MYO1D: variants seen among roughly 807,000 people sequenced by gnomAD.
MYO1D encodes the protein myosin ID.
A neutral mutation model predicts 122.0 loss-of-function variants in MYO1D; 83 were observed. That is an observed-to-expected ratio of 0.68 (90% confidence interval 0.57 to 0.82). MYO1D has a LOEUF of 0.82. Ranked by LOEUF, MYO1D falls within the 40% of genes least tolerant of loss-of-function variation. The probability of loss-of-function intolerance (pLI) is 0.00; values close to 1 mark genes in which losing one functional copy is unlikely to be tolerated. For missense variants in MYO1D, 1,157 were observed against 1,269.5 expected, an observed-to-expected ratio of 0.91 and a Z score of 1.35; for synonymous variants, 464 against 446.9, an observed-to-expected ratio of 1.04 and a Z score of -0.48.
chr17:32,600,953 CTTT>C (rs59778193), intron 21 of MYO1D, among the ~76,000 whole-genome samples: 16 of 141,600 alleles, frequency 1.1e-4, no homozygotes, highest in Non-Finnish European at 1.2e-4. Context: ...TTTCTTTTCC[CTTT>C]TTTTTTTTTT....
intron 13 of MYO1D, among the ~76,000 whole-genome samples, chr17:32,743,910 G>A (rs1257050686): frequency 6.6e-6 from 1 of 151,018 alleles, no homozygotes; most frequent in Non-Finnish European, 1.5e-5. Context: ...GAGCCACTGC[G>A]ACCAGCCTCA....
intron 21 of MYO1D, among the ~76,000 whole-genome samples, chr17:32,555,078 T>A (rs1174576192): frequency 2.0e-5 from 3 of 152,114 alleles, no homozygotes; most frequent in African/African-American, 7.2e-5. Flanking sequence ...AATAAATACA[T>A]CATTTTAAGG....
chr17:32,523,822 C>T (rs1008253319), intron 21 of MYO1D, among the ~76,000 whole-genome samples: 1 of 149,718 alleles, frequency 6.7e-6, no homozygotes, highest in Non-Finnish European at 1.5e-5. Flanking sequence ...AGAGTGCCAA[C>T]CCTGGAGTGA....
intron 20 of MYO1D, among the ~76,000 whole-genome samples, chr17:32,619,617 G>C (rs1597940639): frequency 6.6e-6 from 1 of 152,116 alleles, no homozygotes; most frequent in Non-Finnish European, 1.5e-5. Flanking sequence ...CAAATTACAC[G>C]TAACCATTGA....
chr17:32,517,470 C>G (rs1909931981), intron 21 of MYO1D, among the ~76,000 whole-genome samples: 4 of 152,186 alleles, frequency 2.6e-5, no homozygotes, highest in Admixed American at 2.6e-4. Flanking sequence ...GCCCATAGAG[C>G]AAAGATTCTC....
chr17:32,833,388 C>T (rs2090790452), intron 1 of MYO1D, among the ~76,000 whole-genome samples: 1 of 152,212 alleles, frequency 6.6e-6, no homozygotes, highest in Admixed American at 6.5e-5. Flanking sequence ...GACTACTTCT[C>T]ACCACCTCTG....
At chr17:32,620,647 T>C (rs979976715) in intron 20 of MYO1D, among the ~76,000 whole-genome samples, 108 of 152,312 alleles carry the variant, frequency 7.1e-4, no homozygotes, top group African/African-American at 2.5e-3. Flanking sequence ...TATGATATAA[T>C]GTCTAGGGTT....
chr17:32,685,713 C>T (rs1004916990), intron 16 of MYO1D, among the ~76,000 whole-genome samples: 1 of 152,202 alleles, frequency 6.6e-6, no homozygotes, highest in Non-Finnish European at 1.5e-5. Flanking sequence ...AGAAAACTGT[C>T]CTATTACTAA....
rs554384789 is a variant in MYO1D, at chr17:32,633,171, T to A, written c.2709+5551A>T. Reference sequence around the variant, plus strand: ...TTCAATGAATTTTTAAGACTAAATTTAAAAAAAAAACAGTTAAGCCCCCAA... The same window carrying A: ...TTCAATGAATTTTTAAGACTAAATTAAAAAAAAAAACAGTTAAGCCCCCAA... On this transcript the variant is annotated intron_variant, in intron 20 of 21. Coordinates refer to ENST00000318217, the MANE Select transcript of MYO1D (RefSeq NM_015194.3). 8.4e-3 allele frequency among the ~76,000 whole-genome samples: 1,227 copies of A among 145,992 alleles called. 10 individuals carry two copies. Among genetic ancestry groups the A allele is most frequent in the Middle Eastern group, 0.024 (7 of 286 alleles).
chr17:32,639,453 T>C (rs1360099830), intron 19 of MYO1D, among the ~76,000 whole-genome samples: 1 of 151,310 alleles, frequency 6.6e-6, no homozygotes, highest in Non-Finnish European at 1.5e-5. Flanking sequence ...AAGATTCACA[T>C]GTTCAGGTAA....
intron 1 of MYO1D, chr17:32,830,420 C>T (rs1459836341): frequency 6.6e-6 from 1 of 152,158 alleles, no homozygotes; most frequent in African/African-American, 2.4e-5. Context: ...CCAGGAGCTA[C>T]TGTCCTAGAT....
At chr17:32,589,025 G>C (rs1256319088) in intron 21 of MYO1D, among the ~76,000 whole-genome samples, 1 of 149,150 alleles carries the variant, frequency 6.7e-6, no homozygotes, top group Admixed American at 6.7e-5. Context: ...CACTGCCCCT[G>C]CAAGAGAATA....
At chr17:32,832,074 G>A (rs1459254275) in intron 1 of MYO1D, among the ~76,000 whole-genome samples, 1 of 151,754 alleles carries the variant, frequency 6.6e-6, no homozygotes, top group Non-Finnish European at 1.5e-5. Flanking sequence ...GCCACGAAGC[G>A]ATACATTGTC....
At position 32,574,095 on chromosome 17, in the gene MYO1D, G is replaced by A. The variant is rs545112832; in HGVS notation, c.2864+30992C>T. ...TCTCGATCTCCTGACCTCGTGATCC[G>A]TCCGCCTCAGCCTCCCAAAGTGCTG... is the stretch of plus-strand genomic sequence containing the variant. On this transcript the variant is annotated intron_variant, in intron 21 of 21. Coordinates refer to ENST00000318217, the MANE Select transcript of MYO1D (RefSeq NM_015194.3). 4.0e-5 allele frequency among the ~76,000 whole-genome samples: 6 copies of A among 148,444 alleles called. No individual in the cohort carries two copies. The East Asian group carries it at 1.0e-3, about 25-fold the overall frequency.
At chr17:32,512,788 C>T (rs1909739870) in intron 21 of MYO1D, 1 of 152,258 alleles carries the variant, frequency 6.6e-6, no homozygotes, top group African/African-American at 2.4e-5. Context: ...CTCTACCTGT[C>T]CTTTCTCCCT....
At chr17:32,554,476 T>C (rs1008863191) in intron 21 of MYO1D, among the ~76,000 whole-genome samples, 1 of 152,154 alleles carries the variant, frequency 6.6e-6, no homozygotes, top group Non-Finnish European at 1.5e-5. Flanking sequence ...ATTTATAATA[T>C]AAAAATTATT....
intron 1 of MYO1D, among the ~76,000 whole-genome samples, chr17:32,858,057 G>C (rs938212757): frequency 6.6e-6 from 1 of 152,188 alleles, no homozygotes; most frequent in African/African-American, 2.4e-5. Context: ...ATTTTCAACT[G>C]TTCCTTTAAA....
chr17:32,675,766 TTGA>T (rs1445060809), intron 16 of MYO1D, among the ~76,000 whole-genome samples: 3 of 152,174 alleles, frequency 2.0e-5, no homozygotes, highest in East Asian at 1.9e-4. Context: ...TTTCAGTATG[TTGA>T]TGATCTCTTG....
intron 16 of MYO1D, among the ~76,000 whole-genome samples, chr17:32,697,066 G>C (rs1000329487): frequency 6.6e-6 from 1 of 152,168 alleles, no homozygotes; most frequent in Non-Finnish European, 1.5e-5. Flanking sequence ...AGCTCAGGTA[G>C]GTGCCTCTTC....
Sources: allele counts gnomAD v4.1 joint callset (sites outside exome capture counted in the v4.1 genomes callset), GRCh38; gene constraint gnomAD v4.1.1; transcripts MANE v1.5; gene names NCBI Gene and HGNC (gene_info 2026-07-23, HGNC 2026-07-21).